SI: variants seen among roughly 807,000 people sequenced by gnomAD.
The protein encoded by SI is sucrase-isomaltase.
Under a neutral mutation model 253.3 loss-of-function variants are expected in SI, and 235 were observed. The observed-to-expected ratio is 0.93, with a 90% CI of 0.83 to 1.03. The LOEUF (loss-of-function observed/expected upper bound fraction) is 1.03, where lower values mean the gene tolerates loss of function less well. Ranked by LOEUF, SI falls within the 50% of genes least tolerant of loss-of-function variation. The pLI is 0.00. For missense variants in SI, 2,442 were observed against 2,211.1 expected (o/e 1.10, Z -2.09); for synonymous variants, 819 against 712.0 (o/e 1.15, Z -2.39).
intron 33 of SI, among the ~76,000 whole-genome samples, 182 bp downstream of exon 33, chr3:165,014,941 T>C (rs879352969): frequency 6.6e-6 from 1 of 152,178 alleles, no homozygotes; most frequent in Admixed American, 6.6e-5. Context: ...GTGACTTATA[T>C]GAATTCTTTC....
At chr3:165,015,277 C>A (rs373185738) in intron 32 of SI, 44 bp from the exon 33 acceptor site, 345 of 1,336,552 alleles carry the variant, frequency 2.6e-4, no homozygotes, top group Non-Finnish European at 3.2e-4. Context: ...ATGAAAAAAG[C>A]GTAACTACTT....
chr3:165,076,126 G>A, intron 1 of SI, 114 bp from the exon 2 acceptor site: 1 of 715,226 alleles, frequency 1.4e-6, no homozygotes, highest in East Asian at 3.1e-5. Flanking sequence ...ATGCAGAGTT[G>A]AAGACAGCAC....
intron 13 of SI, among the ~76,000 whole-genome samples, chr3:165,051,288 G>T (rs539389522): frequency 6.6e-6 from 1 of 152,114 alleles, no homozygotes; most frequent in Admixed American, 6.6e-5. Flanking sequence ...AATTAATGGT[G>T]CTCAAGGGAA....
chr3:165,026,527 A>G (rs1389203500), intron 25 of SI, among the ~76,000 whole-genome samples: 1 of 151,420 alleles, frequency 6.6e-6, no homozygotes, highest in African/African-American at 2.4e-5. Context: ...ACCACAGAAG[A>G]TACATTCTAT....
chr3:165,069,172 G>A lies in SI; in HGVS notation c.279C>T (p.Cys93=), dbSNP rs1200417418. 1 of 1,612,450 alleles carries A rather than the reference G, an allele frequency of 6.2e-7. No homozygotes were observed. Among genetic ancestry groups the A allele is most frequent in the Non-Finnish European group, 8.5e-7 (1 of 1,178,836 alleles). ...PTEGICAQRG[C]CWRPWNDSLI... is the part of the protein sequence containing the mutation. The stretch of plus-strand genomic sequence containing the variant: ...GAGAGTCATTCCACGGCCTCCAGCA[G>A]CAGCCTCTCTGTGCACAAATTCCCT... The change falls in exon 4 of 48, where the codon TGC becomes TGT. Residue 93 remains cysteine, a synonymous_variant. Transcript: ENST00000264382.
At chr3:165,010,908 A>T (rs919356006) in intron 34 of SI, among the ~76,000 whole-genome samples, 1 of 152,192 alleles carries the variant, frequency 6.6e-6, no homozygotes, top group Non-Finnish European at 1.5e-5. Flanking sequence ...ACTCAAGTTG[A>T]AATAACACTT....
In SI at chr3:165,058,425, G is replaced by GA. The variant is rs1713806557; in HGVS notation, c.1398+537dup. On this transcript the variant is annotated intron_variant, in intron 12 of 47. Coordinates refer to ENST00000264382, the MANE Select transcript of SI (RefSeq NM_001041.4). ...CAAACCCTAAATTAGTAGAAGGAAA[G>GA]AAAAAATGATCAGAGAAGAAATACA... Among the ~76,000 whole-genome samples the GA allele has an allele frequency of 6.6e-5, 10 of 150,928 alleles. No homozygotes were observed. In the South Asian group the frequency reaches 2.1e-3, roughly 31 times the overall value.
intron 34 of SI, among the ~76,000 whole-genome samples, 189 bp from the exon 35 acceptor site, chr3:165,009,584 G>A (rs770527404): frequency 3.7e-5 from 5 of 135,722 alleles, no homozygotes; most frequent in Admixed American, 2.7e-4. Context: ...GAGGGACATC[G>A]GTGGAGATAA....
intron 7 of SI, among the ~76,000 whole-genome samples, chr3:165,064,661 A>G (rs1714146691): frequency 6.6e-6 from 1 of 152,150 alleles, no homozygotes; most frequent in African/African-American, 2.4e-5. Context: ...GGATTATTAT[A>G]CTAAGTCAAG....
intron 35 of SI, among the ~76,000 whole-genome samples, chr3:165,008,801 A>T (rs576905539): frequency 3.9e-4 from 59 of 152,066 alleles, no homozygotes; most frequent in African/African-American, 1.4e-3. Flanking sequence ...TTCTGTATTA[A>T]GCATTTACTT....
chr3:165,019,048 T>C (rs1365908142), intron 28 of SI, among the ~76,000 whole-genome samples: 1 of 151,840 alleles, frequency 6.6e-6, no homozygotes, highest in Admixed American at 6.6e-5. Flanking sequence ...TTATAGATAA[T>C]ATTATTTGTT....
chr3:165,028,991 C>T (rs149270143), intron 25 of SI, among the ~76,000 whole-genome samples: 109 of 151,348 alleles, frequency 7.2e-4, no homozygotes, highest in Non-Finnish European at 1.4e-3. Flanking sequence ...ACAGACAACC[C>T]ACAGAGTGGG....
intron 18 of SI, 101 bp from the exon 19 acceptor site, chr3:165,040,072 T>G: frequency 1.1e-6 from 1 of 881,594 alleles, no homozygotes; most frequent in Non-Finnish European, 1.9e-6. Flanking sequence ...GGAATTGTTG[T>G]TATCTTGAAT....
In SI at chr3:164,990,127, C is replaced by T. The variant is rs534313242; in HGVS notation, c.5108+1226G>A. Among the ~76,000 whole-genome samples, 127 of 151,968 alleles carry T rather than the reference C, an allele frequency of 8.4e-4. 2 individuals carry two copies. The highest frequency in any genetic ancestry group is 2.7e-3 in the African/African-American group (113 of 41,456). ...GATTGTAACAAATGTGCTACTTTTA[C>T]GGGGGGTGTTGAAAATGAGAGAGGC... On this transcript the variant is annotated intron_variant, in intron 44 of 47. Coordinates refer to ENST00000264382, the MANE Select transcript of SI (RefSeq NM_001041.4).
Position 165,021,112 on chromosome 3 carries a change from T to A in SI, c.3254+117A>T, listed in dbSNP as rs111467387. ...AAAATGGGCAAAGTTATTTAACACGTCTTAAATTTTTTTGTGTGATGCTAC... is the reference window on the plus strand; with the variant it reads ...AAAATGGGCAAAGTTATTTAACACGACTTAAATTTTTTTGTGTGATGCTAC... On this transcript the variant is annotated intron_variant, in intron 27 of 47. Coordinates refer to ENST00000264382, the MANE Select transcript of SI (RefSeq NM_001041.4). The A allele has an allele frequency of 1.4e-3, 1,191 of 825,906 alleles. 12 individuals are homozygous for A. In the African/African-American group the frequency reaches 0.018, roughly 12 times the overall value. 51.2% of individuals were successfully genotyped at this position (825,906 alleles called of 1,614,324 possible).
intron 41 of SI, among the ~76,000 whole-genome samples, 179 bp downstream of exon 41, chr3:164,994,078 C>A (rs1717900538): frequency 6.6e-6 from 1 of 151,532 alleles, no homozygotes; most frequent in Non-Finnish European, 1.5e-5. Context: ...ATGGCTTATG[C>A]TAGTCTATTT....
At chr3:165,005,002 T>C (rs1344804452) in intron 37 of SI, among the ~76,000 whole-genome samples, 3 of 152,100 alleles carry the variant, frequency 2.0e-5, no homozygotes, top group Non-Finnish European at 1.5e-5. Flanking sequence ...TTTTAAAGTA[T>C]GGCAGTTCTC....
chr3:165,008,409 C>G (rs2108157921), intron 35 of SI, among the ~76,000 whole-genome samples: 1 of 151,990 alleles, frequency 6.6e-6, no homozygotes, highest in East Asian at 1.9e-4. Flanking sequence ...AGAAGTATCT[C>G]TATTGAGTAC....
chr3:164,988,904 C>T (rs1717566618), intron 44 of SI, among the ~76,000 whole-genome samples: 1 of 151,842 alleles, frequency 6.6e-6, no homozygotes, highest in Non-Finnish European at 1.5e-5. Context: ...AAGAGAAGGG[C>T]CTGGCCAGAC....
Sources: gnomAD v4.1 joint callset for allele counts (sites outside exome capture counted in the v4.1 genomes callset) on GRCh38, gnomAD v4.1.1 for gene constraint, MANE v1.5 for transcripts, NCBI Gene and HGNC (gene_info 2026-07-23, HGNC 2026-07-21) for gene names.